Variants in AAMDC observed in about 807,000 individuals in gnomAD.
AAMDC encodes the protein mth938 domain-containing protein.
AAMDC carries 16 observed loss-of-function variants against 15.5 expected under a neutral mutation model. The ratio of observed to expected loss-of-function variants is 1.03; its 90% confidence interval spans 0.70 to 1.57. AAMDC has a LOEUF of 1.57. Among genes scored for constraint, AAMDC ranks in the 40% most tolerant of loss-of-function variants. The pLI, the probability that AAMDC is intolerant of heterozygous loss-of-function variation, is 0.00. For missense variants in AAMDC, 141 were observed against 144.9 expected (o/e 0.97, Z 0.14); for synonymous variants, 51 against 51.6 (o/e 0.99, Z 0.05).
intron 1 of AAMDC, among the ~76,000 whole-genome samples, chr11:77,823,089 C>G (rs1419053436): frequency 6.6e-6 from 1 of 151,706 alleles, no homozygotes; most frequent in African/African-American, 2.4e-5. Flanking sequence ...TGGCGGCGGG[C>G]CCCTGTAGAC....
chr11:77,903,358 T>G (rs1270115794), downstream of AAMDC, among the ~76,000 whole-genome samples: 2 of 152,194 alleles, frequency 1.3e-5, no homozygotes, highest in Non-Finnish European at 2.9e-5. Flanking sequence ...TGAATAAGCT[T>G]ACCTGTGTTG....
intron 5 of AAMDC, among the ~76,000 whole-genome samples, chr11:77,879,415 T>G (rs541035467): frequency 3.3e-5 from 5 of 152,362 alleles, no homozygotes; most frequent in African/African-American, 9.6e-5. Context: ...ATCTGCTTTA[T>G]GAACTGGGCT....
intron 2 of AAMDC, among the ~76,000 whole-genome samples, chr11:77,864,070 G>A (rs1951002073): frequency 1.3e-5 from 2 of 151,702 alleles, no homozygotes; most frequent in African/African-American, 4.8e-5. Flanking sequence ...GGGATTACAG[G>A]TGCCTGCTAC....
intron 5 of AAMDC, chr11:77,878,621 C>CTT (rs1951673592): frequency 3.4e-6 from 2 of 591,226 alleles, no homozygotes; most frequent in Admixed American, 6.4e-5. Flanking sequence ...GTAACTGGAT[C>CTT]TTTGTGTTTC....
At chr11:77,873,139 A>G (rs568975668), downstream of AAMDC, among the ~76,000 whole-genome samples, 1 of 152,262 alleles carries the variant, frequency 6.6e-6, no homozygotes, top group East Asian at 1.9e-4. Context: ...TTAAAGAACT[A>G]TGGGCTTTGG....
chr11:77,901,264 T>G (rs1952768998), downstream of AAMDC: 4 of 814,588 alleles, frequency 4.9e-6, no homozygotes, highest in Non-Finnish European at 8.3e-6. Flanking sequence ...ACAACAGAAT[T>G]TGTAATATCT....
At chr11:77,856,066 T>C (rs578051787) in intron 2 of AAMDC, among the ~76,000 whole-genome samples, 2 of 152,212 alleles carry the variant, frequency 1.3e-5, no homozygotes, top group South Asian at 4.2e-4. Flanking sequence ...TGCAGTGAGC[T>C]GAGATTGCCC....
chr11:77,901,034 A>G (rs776258077), downstream of AAMDC, among the ~76,000 whole-genome samples: 76 of 152,300 alleles, frequency 5.0e-4, no homozygotes, highest in Middle Eastern at 0.02. Context: ...CATCCTCTTA[A>G]TTTATCCTTA....
intron 2 of AAMDC, among the ~76,000 whole-genome samples, chr11:77,852,527 C>A (rs1222581348): frequency 6.6e-6 from 1 of 152,120 alleles, no homozygotes; most frequent in African/African-American, 2.4e-5. Context: ...CACCTCCCAT[C>A]AGGTCCCTCC....
intron 2 of AAMDC, among the ~76,000 whole-genome samples, chr11:77,867,507 G>A (rs1951172574): frequency 6.6e-6 from 1 of 152,202 alleles, no homozygotes. Context: ...GTTCATCTCA[G>A]TATTGCTACT....
Position 77,832,406 on chromosome 11 carries a change from A to G in AAMDC, c.-18-10073A>G, listed in dbSNP as rs972420347. Among the ~76,000 whole-genome samples, 6 of 148,694 alleles carry G rather than the reference A, an allele frequency of 4.0e-5. No individual in the cohort carries two copies. The Admixed American group carries it at 4.0e-4, about 10-fold the overall frequency. On this transcript the variant is annotated intron_variant, in intron 1 of 3. Coordinates refer to ENST00000393427, the MANE Select transcript of AAMDC (RefSeq NM_024684.4). ...CAATGGTGTGATCTCGGCTCGCTGCAACCTCCGCCTCCCGGGTTCAAGCGA... is the reference window on the plus strand; with the variant it reads ...CAATGGTGTGATCTCGGCTCGCTGCGACCTCCGCCTCCCGGGTTCAAGCGA...
intron 5 of AAMDC, among the ~76,000 whole-genome samples, chr11:77,889,092 TATAA>T (rs1952145454): frequency 6.6e-6 from 1 of 152,160 alleles, no homozygotes; most frequent in South Asian, 2.1e-4. Flanking sequence ...CCCAAAGGAT[TATAA>T]ATCATGCTGC....
chr11:77,838,505 T>C (rs937638318), intron 1 of AAMDC, among the ~76,000 whole-genome samples: 2 of 152,224 alleles, frequency 1.3e-5, no homozygotes, highest in African/African-American at 4.8e-5. Context: ...CTATACATTT[T>C]GGACTTGCCA....
intron 1 of AAMDC, among the ~76,000 whole-genome samples, chr11:77,831,395 G>A (rs1012953620): frequency 1.3e-5 from 2 of 152,114 alleles, no homozygotes; most frequent in Non-Finnish European, 2.9e-5. Context: ...TTACATAAAT[G>A]TTCATAACAA....
intron 2 of AAMDC, among the ~76,000 whole-genome samples, chr11:77,863,863 C>T (rs779546148): frequency 2.0e-5 from 3 of 151,988 alleles, no homozygotes; most frequent in Non-Finnish European, 2.9e-5. Flanking sequence ...AATCTTATTA[C>T]GGGATTAAAA....
chr11:77,896,543 T>C (rs61605540), intron 5 of AAMDC, among the ~76,000 whole-genome samples: 25,120 of 151,274 alleles, frequency 0.17, 2,479 homozygotes, highest in African/African-American at 0.25. Context: ...TCCCAGCTAC[T>C]TGGGAGGTTG....
At chr11:77,882,331 T>G (rs1951826835) in intron 5 of AAMDC, among the ~76,000 whole-genome samples, 1 of 152,156 alleles carries the variant, frequency 6.6e-6, no homozygotes, top group Non-Finnish European at 1.5e-5. Flanking sequence ...AACCTTGAGC[T>G]TGGGGGCAGA....
chr11:77,898,491 GACAA>G (rs1952629727), intron 5 of AAMDC, among the ~76,000 whole-genome samples: 1 of 152,134 alleles, frequency 6.6e-6, no homozygotes, highest in Non-Finnish European at 1.5e-5. Context: ...AGCAGTAAGA[GACAA>G]ACAAAAGCAT....
intron 1 of AAMDC, among the ~76,000 whole-genome samples, chr11:77,832,419 C>T (rs566064107): frequency 9.9e-5 from 15 of 150,884 alleles, no homozygotes; most frequent in South Asian, 2.1e-4. Flanking sequence ...CTCCGCCTCC[C>T]GGGTTCAAGC....
Sources: gnomAD v4.1 joint callset for allele counts (sites outside exome capture counted in the v4.1 genomes callset) on GRCh38, gnomAD v4.1.1 for gene constraint, MANE v1.5 for transcripts, NCBI Gene and HGNC (gene_info 2026-07-23, HGNC 2026-07-21) for gene names.